MRPL10: variants seen among roughly 807,000 people sequenced by gnomAD.
MRPL10 encodes the protein large ribosomal subunit protein uL10m.
MRPL10 carries 14 observed loss-of-function variants against 19.8 expected under a neutral mutation model. That is an observed-to-expected ratio of 0.71 (90% CI 0.47 to 1.11). The LOEUF (loss-of-function observed/expected upper bound fraction) is 1.11. Among genes scored for constraint, MRPL10 ranks in the 50% least tolerant of loss-of-function variants. The pLI, the probability that MRPL10 is intolerant of heterozygous loss-of-function variation, is 0.00. For missense variants in MRPL10, 318 were observed against 339.6 expected, an observed-to-expected ratio of 0.94 and a Z score of 0.50; for synonymous variants, 129 against 139.2, an observed-to-expected ratio of 0.93 and a Z score of 0.52.
chr17:47,827,312 A>G (rs2033550810), intron 2 of MRPL10, 108 bp from the exon 3 acceptor site: 5 of 918,952 alleles, frequency 5.4e-6, no homozygotes, highest in Non-Finnish European at 8.1e-6. Context: ...CAGATGTGCA[A>G]AAGATCGGGG....
Position 47,823,874 on chromosome 17 carries a change from C to T in MRPL10, c.*331G>A, listed in dbSNP as rs2033483909. 1 of 362,770 alleles carries T rather than the reference C, an allele frequency of 2.8e-6. No homozygotes were observed. Among genetic ancestry groups the T allele is most frequent in the Non-Finnish European group, 5.2e-6 (1 of 193,324 alleles). The allele number at this position is 362,770 out of a possible 1,614,324, so 22.5% of individuals were successfully genotyped here. A position where few individuals can be genotyped will look rare whatever the true frequency, so the allele number is the denominator to read the frequency against. The stretch of plus-strand genomic sequence containing the variant: ...GCAGGTTGTGCCCCAAGGGGGTGGG[C>T]TCAGGAGCCCGTGCAGCAAGAGGCA... On this transcript the variant is annotated 3_prime_UTR_variant, in exon 5 of 5. Coordinates refer to ENST00000351111, the MANE Select transcript of MRPL10 (RefSeq NM_145255.4).
intron 4 of MRPL10, among the ~76,000 whole-genome samples, chr17:47,825,902 G>C (rs1316922986): frequency 1.3e-5 from 2 of 152,020 alleles, no homozygotes; most frequent in Non-Finnish European, 2.9e-5. Flanking sequence ...CACTTTGGGA[G>C]GCTGAGGTGG....
intron 1 of MRPL10, among the ~76,000 whole-genome samples, chr17:47,828,886 G>A (rs1460522906): frequency 7.2e-5 from 11 of 152,180 alleles, no homozygotes; most frequent in Non-Finnish European, 5.9e-5. Flanking sequence ...AATCTCTTGA[G>A]GCTACCATTT....
chr17:47,829,825 G>T (rs553705503), intron 1 of MRPL10, among the ~76,000 whole-genome samples: 1 of 151,926 alleles, frequency 6.6e-6, no homozygotes, highest in East Asian at 1.9e-4. Flanking sequence ...AGAGGCAGAG[G>T]TTGCAGTGAG....
At chr17:47,826,539 T>G (rs1041299728) in intron 4 of MRPL10, 98 bp downstream of exon 4, 127 of 1,452,082 alleles carry the variant, frequency 8.7e-5, no homozygotes, top group Non-Finnish European at 5.8e-5. Context: ...GAAAGGATGC[T>G]CTCTCCAAGA....
intron 2 of MRPL10, 62 bp downstream of exon 2, chr17:47,828,439 G>A (rs1229831401): frequency 1.6e-6 from 2 of 1,237,502 alleles, no homozygotes; most frequent in African/African-American, 1.6e-5. Flanking sequence ...TATGGCCAGA[G>A]ACAAGATTAC....
In MRPL10 at chr17:47,826,702, C is replaced by G. The variant is rs1297202785; in HGVS notation, c.467G>C (p.Ser156Thr). ...CATCTCCTTGACCTTGGGCTCTTCA[C>G]TGACCAGCAGCATGTTGTGCCCCAC... ...LFVGHNMLLV[S>T]EEPKVKEMVR... Residue 156 changes from serine to threonine, a missense_variant, in exon 4 of 5, where the codon AGT (serine) becomes ACT (threonine). By Grantham distance (58) the Ser-to-Thr change is moderately conservative (BLOSUM62 1). Coordinates refer to ENST00000351111, the MANE Select transcript of MRPL10 (RefSeq NM_145255.4). 6.2e-7 allele frequency: 1 copy of G among 1,614,234 alleles called. No homozygotes were observed. Among genetic ancestry groups the G allele is most frequent in the East Asian group, 2.2e-5 (1 of 44,890 alleles).
chr17:47,829,930 C>CA (rs1344202353), intron 1 of MRPL10, among the ~76,000 whole-genome samples: 4 of 151,554 alleles, frequency 2.6e-5, no homozygotes, highest in Non-Finnish European at 4.4e-5. Context: ...GAAAAATAAA[C>CA]ATAAATTCTC....
rs200805993 is a variant in MRPL10, at chr17:47,828,551, G to A, written c.172C>T (p.Pro58Ser). 8.7e-6 allele frequency: 13 copies of A among 1,491,102 alleles called. No individual in the cohort carries two copies. The East Asian group carries it at 3.0e-4, about 34-fold the overall frequency. 92.4% of individuals were successfully genotyped at this position (1,491,102 alleles called of 1,614,324 possible). A position where few individuals can be genotyped will look rare whatever the true frequency, so the allele number is the denominator to read the frequency against. The change falls in exon 2 of 5, where the codon CCA becomes TCA. Residue 58 changes from proline (P) to serine (S), a missense_variant. Physicochemically the swap from Pro to Ser is moderately conservative, Grantham distance 74 (BLOSUM62 -1). Transcript: ENST00000351111. ...GGCAGGCATGATGGGTGGATGGCTG[G>A]TTTCGGGGGGATATATTCAGTCACA... The part of the protein sequence containing the change: ...MAVTEYIPPK[P>S]AIHPSCLPSP...
At chr17:47,825,005 A>G (rs1368615767) in intron 4 of MRPL10, among the ~76,000 whole-genome samples, 1 of 131,534 alleles carries the variant, frequency 7.6e-6, no homozygotes, top group Non-Finnish European at 1.6e-5. Flanking sequence ...CAAGAGCAAA[A>G]CTTCGTCTCA....
Position 47,831,491 on chromosome 17 carries a change from C to G in MRPL10, c.21G>C (p.Gly7=). Reference sequence around the variant, plus strand: ...GGGGCAGGAGACCCCCTCGCAGCATCCCCGCCACGGCCGCAGCCATCTCCA... The same window carrying G: ...GGGGCAGGAGACCCCCTCGCAGCATGCCCGCCACGGCCGCAGCCATCTCCA... MAAAVA[G]MLRGGLLPQA... Residue 7 remains glycine, a synonymous_variant, in exon 1 of 5, where the codon GGG becomes GGC. Transcript: ENST00000351111. 6.5e-7 allele frequency: 1 copy of G among 1,549,888 alleles called. No individual in the cohort carries two copies. The highest frequency in any genetic ancestry group is 8.7e-7 in the Non-Finnish European group (1 of 1,146,736).
rs762964812 is a variant in MRPL10 at position 47,828,556 on chromosome 17, G to A, written c.167C>T (p.Pro56Leu). Residue 56 changes from proline to leucine, a missense_variant, in exon 2 of 5, where the codon CCG becomes CTG. Pro to Leu is a moderately conservative substitution (Grantham distance 98). Coordinates refer to ENST00000351111, the MANE Select transcript of MRPL10 (RefSeq NM_145255.4). ...KLMAVTEYIP[P>L]KPAIHPSCLP... is the part of the protein sequence containing the mutation. ...GCATGATGGGTGGATGGCTGGTTTC[G>A]GGGGGATATATTCAGTCACAGCCAT... The A allele has an allele frequency of 1.1e-5, 16 of 1,492,328 alleles. No individual in the cohort carries two copies. Among genetic ancestry groups the A allele is most frequent in the South Asian group, 2.8e-5 (2 of 72,702 alleles). The allele number at this position is 1,492,328 out of a possible 1,614,324, so 92.4% of individuals were successfully genotyped here. A position where few individuals can be genotyped will look rare whatever the true frequency, so the allele number is the denominator to read the frequency against.
At chr17:47,830,232 G>A (rs2033605394) in intron 1 of MRPL10, among the ~76,000 whole-genome samples, 1 of 152,208 alleles carries the variant, frequency 6.6e-6, no homozygotes, top group South Asian at 2.1e-4. Flanking sequence ...CCTGTTTACA[G>A]ATAATGCTAC....
At chr17:47,826,877 A>G (rs573807637) in intron 3 of MRPL10, 96 bp from the exon 4 acceptor site, 1 of 1,545,524 alleles carries the variant, frequency 6.5e-7, no homozygotes, top group Non-Finnish European at 8.8e-7. Flanking sequence ...GTGCAACCCA[A>G]GGGTCTTCTC....
intron 4 of MRPL10, among the ~76,000 whole-genome samples, chr17:47,825,948 G>A (rs1167235879): frequency 6.6e-6 from 1 of 151,474 alleles, no homozygotes; most frequent in Non-Finnish European, 1.5e-5. Context: ...AGACCAGCCT[G>A]GCCAACACGG....
chr17:47,831,299 T>C, intron 1 of MRPL10, 161 bp downstream of exon 1: 1 of 1,527,204 alleles, frequency 6.5e-7, no homozygotes. Flanking sequence ...TGGACGTTGT[T>C]GCTGTGATTA....
chr17:47,828,636 G>A lies in MRPL10; in HGVS notation c.87C>T (p.Gly29=), dbSNP rs369387958. The A allele has an allele frequency of 7.1e-5, 108 of 1,527,128 alleles. No individual in the cohort carries two copies. The highest frequency in any genetic ancestry group is 6.7e-4 in the African/African-American group (46 of 69,086). The allele number at this position is 1,527,128 out of a possible 1,614,324, so 94.6% of individuals were successfully genotyped here. A position where few individuals can be genotyped will look rare whatever the true frequency, so the allele number is the denominator to read the frequency against. Reference sequence around the variant, plus strand: ...GACGGTGGCGGGTAACAGCCTTGGAGCCATAGCGGACAGTCTGGAGGGTAG... The same window carrying A: ...GACGGTGGCGGGTAACAGCCTTGGAACCATAGCGGACAGTCTGGAGGGTAG... ...RLPTLQTVRY[G]SKAVTRHRRV... The change falls in exon 2 of 5, where the codon GGC becomes GGT. Residue 29 remains glycine (G), a synonymous_variant. Transcript: ENST00000351111.
Position 47,826,727 on chromosome 17 carries a change from C to A in MRPL10, c.442G>T (p.Val148Leu), listed in dbSNP as rs757196010. Reference protein sequence around the residue: ...SKYQNLLPLFVGHNMLLVSEE... With the variant: ...SKYQNLLPLFLGHNMLLVSEE... ...CTGACCAGCAGCATGTTGTGCCCCA[C>A]AAAAAGGGGCAGCAGATTTTGGTAC... The change falls in exon 4 of 5, where the codon GTG becomes TTG. Residue 148 changes from valine to leucine, a missense_variant. By Grantham distance (32) the Val-to-Leu change is conservative (BLOSUM62 1). Coordinates refer to ENST00000351111, the MANE Select transcript of MRPL10 (RefSeq NM_145255.4). The A allele has an allele frequency of 9.9e-6, 16 of 1,614,144 alleles. No individual in the cohort carries two copies. The highest frequency in any genetic ancestry group is 1.4e-5 in the Non-Finnish European group (16 of 1,180,044).
At position 47,823,928 on chromosome 17, in the gene MRPL10, C is replaced by G; in HGVS notation, c.*277G>C. The G allele has an allele frequency of 4.3e-6, 2 of 466,316 alleles. No individual in the cohort carries two copies. Among genetic ancestry groups the G allele is most frequent in the Non-Finnish European group, 7.8e-6 (2 of 257,902 alleles). 28.9% of individuals were successfully genotyped at this position (466,316 alleles called of 1,614,324 possible). On this transcript the variant is annotated 3_prime_UTR_variant, in exon 5 of 5. Coordinates refer to ENST00000351111, the MANE Select transcript of MRPL10 (RefSeq NM_145255.4). ...ACCAAGGAGGCAGGGGACAATAGCC[C>G]TATCTTTTCAGGATCTCTGCCTTGG...
Sources: gnomAD v4.1 joint callset for allele counts (sites outside exome capture counted in the v4.1 genomes callset) on GRCh38, gnomAD v4.1.1 for gene constraint, MANE v1.5 for transcripts, NCBI Gene and HGNC (gene_info 2026-07-23, HGNC 2026-07-21) for gene names.